The following MRPL13 variants were observed in gnomAD, a reference collection of about 807,000 sequenced individuals.
MRPL13 encodes the protein large ribosomal subunit protein uL13m.
In MRPL13, 33 loss-of-function variants were observed where a neutral mutation model predicts 29.0. The ratio of observed to expected loss-of-function variants is 1.14; its 90% CI spans 0.86 to 1.52. The LOEUF (loss-of-function observed/expected upper bound fraction) is 1.52, where lower values mean the gene tolerates loss of function less well. MRPL13 is among the 40% of genes most tolerant of loss of function. MRPL13 has a pLI of 0.00. For synonymous variants in MRPL13, 77 were observed against 68.4 expected (o/e 1.13, Z -0.62); for missense variants, 227 against 216.7 (o/e 1.05, Z -0.30).
intron 5 of MRPL13, among the ~76,000 whole-genome samples, chr8:120,419,403 T>C (rs1330147310): frequency 6.6e-6 from 1 of 151,984 alleles, no homozygotes; most frequent in African/African-American, 2.4e-5. Context: ...GAATCAACTA[T>C]GAGTATGAAC....
intron 4 of MRPL13, 86 bp from the exon 5 acceptor site, chr8:120,420,024 G>T: frequency 1.2e-6 from 1 of 848,530 alleles, no homozygotes; most frequent in Non-Finnish European, 1.7e-6. Flanking sequence ...TGATGAAAAT[G>T]AGGGGTTTAG....
intron 6 of MRPL13, among the ~76,000 whole-genome samples, chr8:120,413,170 A>C (rs534217667): frequency 6.6e-6 from 1 of 152,326 alleles, no homozygotes; most frequent in South Asian, 2.1e-4. Flanking sequence ...TCTTTCCTAA[A>C]GTCACTTATA....
At chr8:120,435,541 A>AT (rs1292548250) in intron 2 of MRPL13, among the ~76,000 whole-genome samples, 6 of 152,192 alleles carry the variant, frequency 3.9e-5, no homozygotes, top group African/African-American at 1.4e-4. Context: ...ACATGATCTC[A>AT]TTTTTTAATG....
intron 6 of MRPL13, among the ~76,000 whole-genome samples, chr8:120,410,769 C>T (rs765979830): frequency 2.0e-5 from 3 of 151,790 alleles, no homozygotes; most frequent in Non-Finnish European, 2.9e-5. Flanking sequence ...ATCCCTCCCT[C>T]CTTCCTTCCT....
At chr8:120,425,436 T>G in intron 3 of MRPL13, 70 bp from the exon 4 acceptor site, 1 of 1,032,832 alleles carries the variant, frequency 9.7e-7, no homozygotes, top group South Asian at 1.6e-5. Flanking sequence ...GATCATTCTT[T>G]TATAAGAAAA....
At chr8:120,408,846 TAA>T in intron 6 of MRPL13, among the ~76,000 whole-genome samples, 1 of 152,356 alleles carries the variant, frequency 6.6e-6, no homozygotes, top group Non-Finnish European at 1.5e-5. Flanking sequence ...GAATATGCAC[TAA>T]GCTTAAATCC....
chr8:120,441,502 G>T (rs1205639323), intron 2 of MRPL13, among the ~76,000 whole-genome samples: 1 of 152,118 alleles, frequency 6.6e-6, no homozygotes, highest in Non-Finnish European at 1.5e-5. Flanking sequence ...GGAAACAAGT[G>T]AATCCAGGGA....
At chr8:120,421,664 C>T (rs1294891260) in intron 4 of MRPL13, among the ~76,000 whole-genome samples, 1 of 151,580 alleles carries the variant, frequency 6.6e-6, no homozygotes, top group Non-Finnish European at 1.5e-5. Context: ...GGTAATAATC[C>T]AAATGGATTT....
At chr8:120,432,799 T>C (rs1446373975) in intron 2 of MRPL13, among the ~76,000 whole-genome samples, 1 of 152,034 alleles carries the variant, frequency 6.6e-6, no homozygotes, top group Admixed American at 6.6e-5. Context: ...TGGCTGTTCA[T>C]CTAAAAACAA....
rs984756614 is a variant in MRPL13 at position 120,425,362 on chromosome 8, G to C, written c.250C>G (p.Pro84Ala). Residue 84 changes from proline to alanine, a missense_variant, in exon 4 of 7, where the codon CCA becomes GCA. Coordinates refer to ENST00000306185, the MANE Select transcript of MRPL13 (RefSeq NM_014078.6). Reference protein sequence around the residue: ...QKVYSSHTGYPGGFRQVTAAQ... With the variant: ...QKVYSSHTGYAGGFRQVTAAQ... ...GCTGTTACTTGTCTAAATCCACCTG[G>C]GTAGCTGTTAAAAGGAGAAAAGACA... 6.2e-7 allele frequency: 1 copy of C among 1,611,430 alleles called. No individual in the cohort carries two copies. Among genetic ancestry groups the C allele is most frequent in the African/African-American group, 1.3e-5 (1 of 74,798 alleles).
intron 2 of MRPL13, among the ~76,000 whole-genome samples, chr8:120,435,532 C>A (rs1050828175): frequency 1.3e-5 from 2 of 152,230 alleles, no homozygotes; most frequent in Admixed American, 1.3e-4. Context: ...CTGCAAAGGA[C>A]ATGATCTCAT....
At chr8:120,424,319 GA>G (rs1035156352) in intron 4 of MRPL13, among the ~76,000 whole-genome samples, 3 of 151,480 alleles carry the variant, frequency 2.0e-5, no homozygotes, top group Admixed American at 1.3e-4. Flanking sequence ...AAATTGACAG[GA>G]AAAAAAATAA....
In MRPL13 at chr8:120,419,907, G is replaced by T; in HGVS notation, c.338C>A (p.Pro113Gln). The T allele has an allele frequency of 6.3e-7, 1 of 1,594,762 alleles. No individual in the cohort carries two copies. ...IVKLAIYGML[P>Q]KNLHRRTMME... is the part of the protein sequence containing the mutation. ...CATTGTTCTTCTGTGAAGGTTTTTT[G>T]GCAGCATGCCATAAATAGCTAGTTT... Residue 113 changes from proline (P) to glutamine (Q), a missense_variant, in exon 5 of 7, where the codon CCA becomes CAA. Pro to Gln is a moderately conservative substitution (Grantham distance 76). Transcript: ENST00000306185.
intron 1 of MRPL13, 29 bp downstream of exon 1, chr8:120,445,039 C>A (rs755660900): frequency 6.2e-7 from 1 of 1,613,882 alleles, no homozygotes; most frequent in East Asian, 2.2e-5. Context: ...TATAATGAAC[C>A]CCATCAAGCC....
chr8:120,408,225 A>G (rs1812699361), intron 6 of MRPL13, among the ~76,000 whole-genome samples: 1 of 152,244 alleles, frequency 6.6e-6, no homozygotes, highest in Non-Finnish European at 1.5e-5. Flanking sequence ...ATACTTTTAA[A>G]TAAACTAAAC....
intron 2 of MRPL13, among the ~76,000 whole-genome samples, chr8:120,436,551 C>T (rs1229941344): frequency 6.6e-6 from 1 of 151,976 alleles, no homozygotes; most frequent in Admixed American, 6.6e-5. Flanking sequence ...TTAGATATGT[C>T]TTTTGTTGAT....
intron 4 of MRPL13, 25 bp downstream of exon 4, chr8:120,425,281 T>C (rs766010616): frequency 5.7e-6 from 9 of 1,582,806 alleles, no homozygotes; most frequent in Non-Finnish European, 7.8e-6. Flanking sequence ...CCAAAGATGA[T>C]TAATAAAAAA....
rs549661957 is a variant in MRPL13, at chr8:120,444,915, G to A, written c.27+153C>T. 4.7e-5 allele frequency: 41 copies of A among 879,334 alleles called. No homozygotes were observed. The South Asian group carries it at 5.8e-4, about 12-fold the overall frequency. 54.5% of individuals were successfully genotyped at this position (879,334 alleles called of 1,614,324 possible). On this transcript the variant is annotated intron_variant, in intron 1 of 6. Transcript: ENST00000306185. ...GACGAACGACATTAAGTGCTTGCCA[G>A]ACTGACGACCCTCTTGTGCTTTCCC...
chr8:120,439,767 T>C (rs979250369), intron 2 of MRPL13, among the ~76,000 whole-genome samples: 1 of 152,214 alleles, frequency 6.6e-6, no homozygotes, highest in Non-Finnish European at 1.5e-5. Flanking sequence ...TGATATCTTA[T>C]TGAAATTTTC....
Sources: gnomAD v4.1 joint callset for allele counts (sites outside exome capture counted in the v4.1 genomes callset) on GRCh38, gnomAD v4.1.1 for gene constraint, MANE v1.5 for transcripts, NCBI Gene and HGNC (gene_info 2026-07-23, HGNC 2026-07-21) for gene names.